TM7SF3: variants seen among roughly 807,000 people sequenced by gnomAD.
The protein encoded by TM7SF3 is seven span transmembrane protein.
In TM7SF3, 60 loss-of-function variants were observed where a neutral mutation model predicts 65.5. The ratio of observed to expected loss-of-function variants is 0.92; its 90% confidence interval spans 0.74 to 1.14. TM7SF3 has a LOEUF of 1.14. TM7SF3 is among the 50% of genes most tolerant of loss of function. The probability of loss-of-function intolerance (pLI) is 0.00; values close to 1 mark genes in which losing one functional copy is unlikely to be tolerated. For missense variants in TM7SF3, 623 were observed against 684.8 expected, an observed-to-expected ratio of 0.91 and a Z score of 1.01; for synonymous variants, 264 against 259.6, an observed-to-expected ratio of 1.02 and a Z score of -0.16.
Position 26,979,901 on chromosome 12 carries a change from C to A in TM7SF3, c.1072G>T (p.Gly358Cys), listed in dbSNP as rs759438192. ...LILTAVTGSV[G>C]GMFLVAVWWR... ...CACACAGCTACCAAGAACATTCCAC[C>A]GACGCTTCCAGTGACAGCTGTCAGA... The change falls in exon 9 of 12, where the codon GGT (glycine) becomes TGT (cysteine). Residue 358 changes from glycine (G) to cysteine (C), a missense_variant. Coordinates refer to ENST00000343028, the MANE Select transcript of TM7SF3 (RefSeq NM_016551.3). The A allele has an allele frequency of 6.2e-7, 1 of 1,614,126 alleles. No individual in the cohort carries two copies. The highest frequency in any genetic ancestry group is 1.7e-5 in the Admixed American group (1 of 60,010).
chr12:26,985,638 AAAAAAAAAAAAAAAATATAT>A (rs1167145110), intron 6 of TM7SF3, among the ~76,000 whole-genome samples: 1 of 53,396 alleles, frequency 1.9e-5, no homozygotes, highest in African/African-American at 8.0e-5. Flanking sequence ...AAAAAAAAAA[AAAAAAAAAAAAAAAATATAT>A]ATATATATAT....
intron 5 of TM7SF3, among the ~76,000 whole-genome samples, chr12:26,991,276 C>T (rs969704105): frequency 6.6e-6 from 1 of 151,340 alleles, no homozygotes; most frequent in African/African-American, 2.4e-5. Context: ...CCTCAGCCTC[C>T]CCAGTAGCTG....
In TM7SF3 at chr12:26,999,674, A is replaced by C; in HGVS notation, c.249T>G (p.Thr83=). ...CTGTTTCCGAGGAATTGGAAAGGAG[A>C]GTCTGCAGTCCAGAAGAAACATTGT... ...YQNTTVSFSP[T]LLSNSSETGT... Residue 83 remains threonine, a splice_region_variant and synonymous_variant, in exon 3 of 12, where the codon ACT becomes ACG. Coordinates refer to ENST00000343028, the MANE Select transcript of TM7SF3 (RefSeq NM_016551.3). The C allele has an allele frequency of 6.2e-7, 1 of 1,614,078 alleles. No homozygotes were observed. Among genetic ancestry groups the C allele is most frequent in the Non-Finnish European group, 8.5e-7 (1 of 1,180,000 alleles).
intron 6 of TM7SF3, among the ~76,000 whole-genome samples, chr12:26,986,239 T>C (rs1205088063): frequency 6.6e-6 from 1 of 152,138 alleles, no homozygotes; most frequent in Non-Finnish European, 1.5e-5. Context: ...AAGAATCCCC[T>C]ATGCTTGATA....
chr12:26,980,015 C>A, intron 8 of TM7SF3, 79 bp from the exon 9 acceptor site: 5 of 1,538,498 alleles, frequency 3.2e-6, no homozygotes, highest in Non-Finnish European at 4.4e-6. Context: ...AATACCGTTA[C>A]CAGTGCCAGC....
intron 5 of TM7SF3, among the ~76,000 whole-genome samples, chr12:26,994,050 A>T (rs1445101495): frequency 6.6e-6 from 1 of 152,202 alleles, no homozygotes; most frequent in Non-Finnish European, 1.5e-5. Flanking sequence ...GTTTCCCCAC[A>T]TTCTGGTACA....
rs533963646 is a variant in TM7SF3, at chr12:26,991,342, C to CG, written c.691-716dup. Among the ~76,000 whole-genome samples, 15 of 151,272 alleles carry CG rather than the reference C, an allele frequency of 9.9e-5. No homozygotes were observed. In the South Asian group the frequency reaches 3.1e-3, roughly 32 times the overall value. On this transcript the variant is annotated intron_variant, in intron 5 of 11. Transcript: ENST00000343028. Reference sequence around the variant, plus strand: ...TAATTTTTTGTATTTTTAGTAGAGACGGGGTTTCACCTTGTTAGCCAGGAT... The same window carrying CG: ...TAATTTTTTGTATTTTTAGTAGAGACGGGGGTTTCACCTTGTTAGCCAGGAT...
chr12:27,002,962 T>C (rs754998304), intron 2 of TM7SF3, among the ~76,000 whole-genome samples: 1 of 152,302 alleles, frequency 6.6e-6, no homozygotes, highest in East Asian at 1.9e-4. Flanking sequence ...CGAAGAAAAC[T>C]TGCCTGCATA....
At chr12:26,995,468 A>C in intron 4 of TM7SF3, 60 bp from the exon 5 acceptor site, 1 of 1,562,508 alleles carries the variant, frequency 6.4e-7, no homozygotes, top group South Asian at 1.1e-5. Context: ...CATCTATAAA[A>C]AGGAACCAAG....
intron 1 of TM7SF3, among the ~76,000 whole-genome samples, chr12:27,004,434 C>G (rs1940953486): frequency 6.6e-6 from 1 of 152,162 alleles, no homozygotes; most frequent in South Asian, 2.1e-4. Flanking sequence ...GATTATAATT[C>G]ACCCGAGTCC....
At chr12:26,988,793 T>C (rs1319558132) in intron 6 of TM7SF3, among the ~76,000 whole-genome samples, 1 of 151,574 alleles carries the variant, frequency 6.6e-6, no homozygotes, top group Non-Finnish European at 1.5e-5. Flanking sequence ...TTTTTTTCAG[T>C]AAAAGTCACA....
Position 27,003,364 on chromosome 12 carries a change from A to G in TM7SF3, c.118T>C (p.Phe40Leu), listed in dbSNP as rs760952135. ...EGLIEFSVGK[F>L]RYFELNRPFP... is the part of the protein sequence containing the mutation. ...GGCCTATTGAGCTCGAAGTATCTAA[A>G]TTTCCCCACAGAAAATTCAATAAGA... is the stretch of plus-strand genomic sequence containing the variant. The change falls in exon 2 of 12, where the codon TTT (phenylalanine) becomes CTT (leucine). Residue 40 changes from phenylalanine to leucine, a missense_variant. Transcript: ENST00000343028. The G allele has an allele frequency of 3.1e-6, 5 of 1,612,574 alleles. No individual in the cohort carries two copies. Among genetic ancestry groups the G allele is most frequent in the Non-Finnish European group, 8.5e-7 (1 of 1,179,676 alleles).
At chr12:27,005,827 A>G (rs566640936) in intron 1 of TM7SF3, among the ~76,000 whole-genome samples, 8 of 149,826 alleles carry the variant, frequency 5.3e-5, no homozygotes, top group African/African-American at 2.0e-4. Flanking sequence ...TTTGAGATGG[A>G]GTCTCACTCT....
chr12:26,996,744 C>T lies in TM7SF3; in HGVS notation c.516G>A (p.Ala172=), dbSNP rs150245356. 3.2e-5 allele frequency: 51 copies of T among 1,610,390 alleles called. No homozygotes were observed. Among genetic ancestry groups the T allele is most frequent in the South Asian group, 1.4e-4 (13 of 90,358 alleles). ...TCAGACATGGGAGACAGACGTACCT[C>T]GCATAGCCTAGGTTTGCTGGGGCAA... The part of the protein sequence containing the change: ...IKFAPANLGY[A]RGVDPPPCDA... Residue 172 remains alanine (A), a splice_region_variant and synonymous_variant, in exon 4 of 12, where the codon GCG becomes GCA. Coordinates refer to ENST00000343028, the MANE Select transcript of TM7SF3 (RefSeq NM_016551.3).
chr12:27,007,709 A>G (rs576525231), intron 1 of TM7SF3, among the ~76,000 whole-genome samples: 43 of 152,300 alleles, frequency 2.8e-4, no homozygotes, highest in Middle Eastern at 3.4e-3. Context: ...GCATTCTAGC[A>G]TCTTAGTGGT....
chr12:26,985,057 G>T (rs1033171175), intron 6 of TM7SF3, among the ~76,000 whole-genome samples: 1 of 152,152 alleles, frequency 6.6e-6, no homozygotes, highest in Non-Finnish European at 1.5e-5. Flanking sequence ...AACTTTGGGC[G>T]GGAAGAACAA....
intron 6 of TM7SF3, among the ~76,000 whole-genome samples, chr12:26,983,810 G>A (rs1338239859): frequency 1.3e-5 from 2 of 152,160 alleles, no homozygotes; most frequent in African/African-American, 4.8e-5. Context: ...GGAGAAAAAT[G>A]TTGCATTACA....
intron 6 of TM7SF3, among the ~76,000 whole-genome samples, chr12:26,988,672 T>TTG (rs147021582): frequency 0.049 from 7,179 of 146,266 alleles, 204 homozygotes; most frequent in Middle Eastern, 0.14. Context: ...GAGAAGAAAA[T>TTG]TGTGTGTGTG....
intron 9 of TM7SF3, among the ~76,000 whole-genome samples, chr12:26,977,271 A>C (rs993094454): frequency 6.6e-6 from 1 of 152,228 alleles, no homozygotes; most frequent in African/African-American, 2.4e-5. Context: ...CACAAAATAC[A>C]TATGTGGCTT....
Sources: gnomAD v4.1 joint callset for allele counts (sites outside exome capture counted in the v4.1 genomes callset) on GRCh38, gnomAD v4.1.1 for gene constraint, MANE v1.5 for transcripts, NCBI Gene and HGNC (gene_info 2026-07-23, HGNC 2026-07-21) for gene names.